The following CDK17 variants were observed in gnomAD, a reference collection of about 807,000 sequenced individuals.
CDK17 encodes cyclin-dependent kinase 17.
A neutral mutation model predicts 77.6 loss-of-function variants in CDK17; 24 were observed. The ratio of observed to expected loss-of-function variants is 0.31; its 90% confidence interval spans 0.22 to 0.44. The LOEUF (loss-of-function observed/expected upper bound fraction) is 0.44, where lower values mean the gene tolerates loss of function less well. CDK17 is among the 20% of genes least tolerant of loss of function. The probability of loss-of-function intolerance (pLI) is 1.00; values close to 1 mark genes in which losing one functional copy is unlikely to be tolerated. For synonymous variants in CDK17, 203 were observed against 210.4 expected (o/e 0.96, Z 0.30); for missense variants, 429 against 622.5 (o/e 0.69, Z 3.31).
At chr12:96,347,385 G>A (rs1953231419) in intron 1 of CDK17, among the ~76,000 whole-genome samples, 1 of 151,700 alleles carries the variant, frequency 6.6e-6, no homozygotes, top group Non-Finnish European at 1.5e-5. Context: ...CCAACATGGT[G>A]AGAACTCGTC....
Position 96,313,368 on chromosome 12 carries a change from T to C in CDK17, c.370A>G (p.Thr124Ala). 6.2e-7 allele frequency: 1 copy of C among 1,600,038 alleles called. No homozygotes were observed. Among genetic ancestry groups the C allele is most frequent in the Non-Finnish European group, 8.5e-7 (1 of 1,174,638 alleles). The change falls in exon 4 of 17, where the codon ACA becomes GCA. Residue 124 changes from threonine to alanine, a missense_variant. Thr to Ala is a moderately conservative substitution (Grantham distance 58). Coordinates refer to ENST00000261211, the MANE Select transcript of CDK17 (RefSeq NM_002595.5). The part of the protein sequence containing the change: ...GTSSDEVQSP[T>A]GVCLRNRIHR... ...ATACGATTTCTGAGACAAACACCTG[T>C]AGGTGACTGGACTTCATCAGATGAT... is the stretch of plus-strand genomic sequence containing the variant.
chr12:96,296,220 TATC>T (rs1310733657), intron 9 of CDK17, among the ~76,000 whole-genome samples: 6 of 152,156 alleles, frequency 3.9e-5, no homozygotes, highest in African/African-American at 1.4e-4. Context: ...TTTGTGAAAT[TATC>T]ATCAAGGACC....
intron 1 of CDK17, among the ~76,000 whole-genome samples, chr12:96,363,543 A>C (rs1953530899): frequency 6.6e-6 from 1 of 150,778 alleles, no homozygotes; most frequent in Non-Finnish European, 1.5e-5. Context: ...AGAGATTGTG[A>C]CTTTAAAAAA....
At chr12:96,295,346 A>G in intron 9 of CDK17, 1 of 312,178 alleles carries the variant, frequency 3.2e-6, no homozygotes, top group South Asian at 9.9e-5. Context: ...CTTTTAGTCT[A>G]ACAGTATCTA....
intron 1 of CDK17, among the ~76,000 whole-genome samples, chr12:96,362,844 AATG>A (rs1953516516): frequency 6.6e-6 from 1 of 152,162 alleles, no homozygotes; most frequent in African/African-American, 2.4e-5. Context: ...GTCTTGGAGG[AATG>A]TATTTCACCT....
chr12:96,351,618 A>T (rs1953314372), intron 1 of CDK17, among the ~76,000 whole-genome samples: 1 of 152,240 alleles, frequency 6.6e-6, no homozygotes, highest in African/African-American at 2.4e-5. Context: ...CAAAATTTCA[A>T]TCTTAATTGT....
intron 1 of CDK17, among the ~76,000 whole-genome samples, chr12:96,365,896 T>C (rs141602524): frequency 6.6e-6 from 1 of 152,326 alleles, no homozygotes; most frequent in African/African-American, 2.4e-5. Flanking sequence ...AGTTTTTATT[T>C]TTAAAAACTA....
chr12:96,341,336 C>CAT (rs879830616), intron 1 of CDK17, among the ~76,000 whole-genome samples: 2 of 142,428 alleles, frequency 1.4e-5, no homozygotes, highest in Non-Finnish European at 3.2e-5. Context: ...CACACACACA[C>CAT]ACACACACGT....
intron 1 of CDK17, among the ~76,000 whole-genome samples, chr12:96,362,551 A>G (rs1953510066): frequency 6.6e-6 from 1 of 152,168 alleles, no homozygotes; most frequent in Non-Finnish European, 1.5e-5. Context: ...CTTGGTTTTG[A>G]AAATAACTAT....
chr12:96,280,844 C>T lies in CDK17; in HGVS notation c.1498G>A (p.Asp500Asn). ...FSLKEIQLQK[D>N]PGFRNSSYPE... The stretch of plus-strand genomic sequence containing the variant: ...TAAGAAGAATTTCGAAAACCCGGGT[C>T]CTTTTGCAACTGAATCTCTTTCAAA... The change falls in exon 16 of 17, where the codon GAC becomes AAC. Residue 500 changes from aspartate to asparagine, a missense_variant. Physicochemically the swap from Asp to Asn is conservative, Grantham distance 23. Transcript: ENST00000261211. 6.2e-7 allele frequency: 1 copy of T among 1,613,904 alleles called. No homozygotes were observed. The highest frequency in any genetic ancestry group is 8.5e-7 in the Non-Finnish European group (1 of 1,179,940).
At chr12:96,378,408 G>C (rs1170746381) in intron 1 of CDK17, among the ~76,000 whole-genome samples, 1 of 152,148 alleles carries the variant, frequency 6.6e-6, no homozygotes, top group African/African-American at 2.4e-5. Flanking sequence ...TGTTTGAATA[G>C]TTCCTTCCTT....
At chr12:96,340,717 A>G (rs531907693) in intron 1 of CDK17, among the ~76,000 whole-genome samples, 24 of 152,336 alleles carry the variant, frequency 1.6e-4, no homozygotes, top group African/African-American at 5.3e-4. Flanking sequence ...AATCTTTAAT[A>G]TTTACTATAA....
At chr12:96,375,942 C>G (rs1198620792) in intron 1 of CDK17, among the ~76,000 whole-genome samples, 1 of 152,170 alleles carries the variant, frequency 6.6e-6, no homozygotes, top group Admixed American at 6.5e-5. Context: ...GAAAGTCAAA[C>G]TATTCACCAA....
chr12:96,368,823 G>A (rs796700234), intron 1 of CDK17, among the ~76,000 whole-genome samples: 2,457 of 79,912 alleles, frequency 0.031, 547 homozygotes, highest in African/African-American at 0.099. Context: ...GGGGGGGGGG[G>A]GCACAATGAA....
chr12:96,321,800 G>C (rs1952818366), intron 3 of CDK17, among the ~76,000 whole-genome samples: 2 of 112,000 alleles, frequency 1.8e-5, no homozygotes, highest in Admixed American at 9.3e-5. Flanking sequence ...CACACTCTGG[G>C]GACTGTGGTG....
At chr12:96,387,695 G>A (rs933362029) in intron 1 of CDK17, among the ~76,000 whole-genome samples, 6 of 152,030 alleles carry the variant, frequency 3.9e-5, no homozygotes, top group African/African-American at 9.7e-5. Flanking sequence ...TAATCCCAGC[G>A]CTTCGGGAGG....
At chr12:96,364,062 T>C (rs1330820476) in intron 1 of CDK17, among the ~76,000 whole-genome samples, 1 of 152,238 alleles carries the variant, frequency 6.6e-6, no homozygotes, top group Non-Finnish European at 1.5e-5. Flanking sequence ...ATAAGAATTC[T>C]GAGATTAATC....
At chr12:96,363,224 G>C (rs1953524883) in intron 1 of CDK17, among the ~76,000 whole-genome samples, 2 of 152,002 alleles carry the variant, frequency 1.3e-5, no homozygotes, top group African/African-American at 4.8e-5. Context: ...GCCGAGACGG[G>C]AGGGTCACCT....
At chr12:96,391,954 T>C (rs1360112873) in intron 1 of CDK17, among the ~76,000 whole-genome samples, 1 of 152,232 alleles carries the variant, frequency 6.6e-6, no homozygotes, top group Non-Finnish European at 1.5e-5. Context: ...CTTCTAAGCC[T>C]ACTCTGACCT....
Sources: gnomAD v4.1 joint callset for allele counts (sites outside exome capture counted in the v4.1 genomes callset) on GRCh38, gnomAD v4.1.1 for gene constraint, MANE v1.5 for transcripts, NCBI Gene and HGNC (gene_info 2026-07-23, HGNC 2026-07-21) for gene names.